The following SNTG1 variants were observed in gnomAD, a reference collection of about 807,000 sequenced individuals.
SNTG1 encodes gamma-1-syntrophin.
A neutral mutation model predicts 74.7 loss-of-function variants in SNTG1; 39 were observed. The ratio of observed to expected loss-of-function variants is 0.52; its 90% CI spans 0.40 to 0.68. The LOEUF is 0.68. Among genes scored for constraint, SNTG1 ranks in the 30% least tolerant of loss-of-function variants. The pLI, the probability that SNTG1 is intolerant of heterozygous loss-of-function variation, is 0.00. For synonymous variants in SNTG1, 254 were observed against 217.1 expected (o/e 1.17, Z -1.49); for missense variants, 685 against 609.5 (o/e 1.12, Z -1.30).
chr8:50,770,531 T>A (rs2095624357), intron 18 of SNTG1, among the ~76,000 whole-genome samples: 1 of 152,038 alleles, frequency 6.6e-6, no homozygotes, highest in Non-Finnish European at 1.5e-5. Flanking sequence ...GGGCTGGGCT[T>A]GCAGATTCTA....
intron 2 of SNTG1, among the ~76,000 whole-genome samples, chr8:50,371,945 A>T (rs986211877): frequency 6.6e-6 from 1 of 152,120 alleles, no homozygotes; most frequent in Non-Finnish European, 1.5e-5. Flanking sequence ...TGTAGACGGC[A>T]TGTAGTTGGA....
chr8:50,046,573 G>A (rs765190188), intron 1 of SNTG1, among the ~76,000 whole-genome samples: 30 of 152,070 alleles, frequency 2.0e-4, no homozygotes, highest in Middle Eastern at 3.4e-3. Flanking sequence ...CCATTCTAGC[G>A]TGAATTTATA....
At chr8:50,526,392 G>T (rs1285363870) in intron 9 of SNTG1, among the ~76,000 whole-genome samples, 1 of 152,116 alleles carries the variant, frequency 6.6e-6, no homozygotes, top group Non-Finnish European at 1.5e-5. Flanking sequence ...GCTGTCATGG[G>T]TGAAATGAAA....
chr8:50,174,531 A>G (rs10504097), intron 2 of SNTG1, among the ~76,000 whole-genome samples: 20,927 of 152,168 alleles, frequency 0.14, 4,736 homozygotes, highest in African/African-American at 0.47. Flanking sequence ...AGAAATTTCC[A>G]AAGCACATTT....
At chr8:50,241,965 G>A (rs547293163) in intron 2 of SNTG1, among the ~76,000 whole-genome samples, 1 of 151,750 alleles carries the variant, frequency 6.6e-6, no homozygotes, top group South Asian at 2.1e-4. Context: ...GGAGTGATGG[G>A]GGATTTAGGC....
chr8:50,027,095 C>T (rs912107259), intron 1 of SNTG1, among the ~76,000 whole-genome samples: 3 of 152,070 alleles, frequency 2.0e-5, no homozygotes, highest in African/African-American at 4.8e-5. Flanking sequence ...ATTGACCATT[C>T]GACACATTAT....
intron 15 of SNTG1, among the ~76,000 whole-genome samples, chr8:50,681,264 A>G (rs2095329773): frequency 6.6e-6 from 1 of 152,134 alleles, no homozygotes; most frequent in African/African-American, 2.4e-5. Flanking sequence ...ATTAACTAAT[A>G]CATTGAACAT....
chr8:50,585,002 G>A (rs2094638162), intron 12 of SNTG1, among the ~76,000 whole-genome samples: 1 of 152,134 alleles, frequency 6.6e-6, no homozygotes, highest in African/African-American at 2.4e-5. Flanking sequence ...TATTTGGGAA[G>A]AAGGGGCAGG....
chr8:50,013,864 A>G (rs1816060053), intron 1 of SNTG1, among the ~76,000 whole-genome samples: 1 of 152,160 alleles, frequency 6.6e-6, no homozygotes. Flanking sequence ...TGGAACCTGA[A>G]AAGTTTACAT....
intron 1 of SNTG1, among the ~76,000 whole-genome samples, chr8:50,044,644 A>C (rs1033893727): frequency 6.6e-6 from 1 of 152,220 alleles, no homozygotes; most frequent in South Asian, 2.1e-4. Context: ...ACTCTGCAAG[A>C]GAACTATAGG....
chr8:50,770,024 G>T (rs2095623327), intron 18 of SNTG1, among the ~76,000 whole-genome samples: 1 of 152,038 alleles, frequency 6.6e-6, no homozygotes, highest in Admixed American at 6.6e-5. Context: ...AAGAGTACAG[G>T]TTATAGTCCT....
intron 8 of SNTG1, among the ~76,000 whole-genome samples, chr8:50,455,374 C>T (rs1367419386): frequency 6.6e-6 from 1 of 152,126 alleles, no homozygotes; most frequent in African/African-American, 2.4e-5. Flanking sequence ...CTATGATTCT[C>T]ATGAATAGAA....
intron 2 of SNTG1, among the ~76,000 whole-genome samples, chr8:50,181,628 T>C (rs1047271316): frequency 6.6e-6 from 1 of 152,216 alleles, no homozygotes; most frequent in Non-Finnish European, 1.5e-5. Flanking sequence ...GTATAATGTA[T>C]ACTGTGATAA....
chr8:50,376,119 G>A (rs1365097252), intron 2 of SNTG1, among the ~76,000 whole-genome samples: 1 of 152,034 alleles, frequency 6.6e-6, no homozygotes, highest in East Asian at 1.9e-4. Flanking sequence ...CCTACTTTTA[G>A]GCAAATAGAG....
chr8:50,223,183 T>C (rs1399384206), intron 2 of SNTG1, among the ~76,000 whole-genome samples: 1 of 152,034 alleles, frequency 6.6e-6, no homozygotes, highest in Non-Finnish European at 1.5e-5. Context: ...TGCTAATGGG[T>C]ATAGGTTTAT....
Position 50,138,628 on chromosome 8 carries a change from CAATAATAATAATAATAATAAT to C in SNTG1, c.-102-33911_-102-33891del, listed in dbSNP as rs34280300. Among the ~76,000 whole-genome samples the C allele has an allele frequency of 4.3e-5, 6 of 140,850 alleles. No individual in the cohort carries two copies. The South Asian group carries it at 1.1e-3, about 27-fold the overall frequency. 92.4% of individuals were successfully genotyped at this position (140,850 alleles called of 152,430 possible). A position where few individuals can be genotyped will look rare whatever the true frequency, so the allele number is the denominator to read the frequency against. On this transcript the variant is annotated intron_variant, in intron 1 of 18. Transcript: ENST00000642720. ...CAACAAGAGTGAAACTCTGTCTCAA[CAATAATAATAATAATAATAAT>C]AATAATAATAATAATAATAATTCCT...
intron 13 of SNTG1, among the ~76,000 whole-genome samples, chr8:50,595,311 A>T (rs772204011): frequency 6.6e-6 from 1 of 152,196 alleles, no homozygotes; most frequent in Middle Eastern, 3.4e-3. Flanking sequence ...CCACCTCAAA[A>T]AAAGTAATGT....
chr8:50,348,787 G>A (rs1165979728), intron 2 of SNTG1, among the ~76,000 whole-genome samples: 2 of 152,198 alleles, frequency 1.3e-5, no homozygotes, highest in African/African-American at 4.8e-5. Context: ...GGGAAGGAAT[G>A]TAAACAGAAA....
At chr8:50,591,841 C>T (rs1324196106) in intron 13 of SNTG1, among the ~76,000 whole-genome samples, 1 of 152,166 alleles carries the variant, frequency 6.6e-6, no homozygotes, top group Non-Finnish European at 1.5e-5. Flanking sequence ...ACCTTAAGTC[C>T]CTCTGCCCTG....
Sources: allele counts gnomAD v4.1 joint callset (sites outside exome capture counted in the v4.1 genomes callset), GRCh38; gene constraint gnomAD v4.1.1; transcripts MANE v1.5; gene names NCBI Gene and HGNC (gene_info 2026-07-23, HGNC 2026-07-21).